The following FOXP1 variants were observed in gnomAD, a reference collection of about 807,000 sequenced individuals.
FOXP1 encodes forkhead box P1, also known as forkhead box protein P1.
A neutral mutation model predicts 98.2 loss-of-function variants in FOXP1; 15 were observed. The ratio of observed to expected loss-of-function variants is 0.15; its 90% CI spans 0.10 to 0.24. FOXP1 has a LOEUF of 0.24. Ranked by LOEUF, FOXP1 falls within the 10% of genes least tolerant of loss-of-function variation. The pLI is 1.00. For missense variants in FOXP1, 633 were observed against 848.5 expected (o/e 0.75, Z 3.15); for synonymous variants, 371 against 314.5 (o/e 1.18, Z -1.90).
At chr3:70,990,951 TCTCTGAA>T (rs2040506050) in intron 13 of FOXP1, among the ~76,000 whole-genome samples, 1 of 152,190 alleles carries the variant, frequency 6.6e-6, no homozygotes, top group African/African-American at 2.4e-5. Flanking sequence ...GGAATGATCA[TCTCTGAA>T]CTCTGAAGGG....
At chr3:71,400,037 C>T (rs1413223339) in intron 3 of FOXP1, among the ~76,000 whole-genome samples, 3 of 152,038 alleles carry the variant, frequency 2.0e-5, no homozygotes, top group Non-Finnish European at 4.4e-5. Flanking sequence ...ATAATTATGA[C>T]CATTATTTCC....
chr3:71,461,800 G>A (rs372349567), intron 3 of FOXP1, among the ~76,000 whole-genome samples: 2 of 149,342 alleles, frequency 1.3e-5, no homozygotes, highest in Admixed American at 6.7e-5. Context: ...ACTCTGTATC[G>A]AAGAAAAAAA....
chr3:71,051,679 TGAG>T (rs564087289), intron 9 of FOXP1, among the ~76,000 whole-genome samples: 117 of 152,256 alleles, frequency 7.7e-4, no homozygotes, highest in African/African-American at 2.6e-3. Context: ...TGTAAAAATA[TGAG>T]GAGGCAAGTT....
intron 20 of FOXP1, among the ~76,000 whole-genome samples, chr3:70,961,477 C>A (rs1030583728): frequency 6.6e-6 from 1 of 152,054 alleles, no homozygotes; most frequent in Non-Finnish European, 1.5e-5. Context: ...GTGATCCACC[C>A]GCCTTGGCCT....
chr3:71,445,236 A>G (rs2086308571), intron 3 of FOXP1, among the ~76,000 whole-genome samples: 2 of 152,214 alleles, frequency 1.3e-5, no homozygotes, highest in South Asian at 2.1e-4. Flanking sequence ...TGGCAAAAGC[A>G]GGAATTCAAA....
intron 3 of FOXP1, among the ~76,000 whole-genome samples, chr3:71,455,636 C>T (rs543382329): frequency 3.4e-4 from 52 of 152,202 alleles, no homozygotes; most frequent in Admixed American, 1.1e-3. Flanking sequence ...TTCTGGGTAC[C>T]TCTCCCACGT....
chr3:71,336,847 A>T (rs1577033211), intron 4 of FOXP1, among the ~76,000 whole-genome samples: 1 of 152,312 alleles, frequency 6.6e-6, no homozygotes, highest in East Asian at 1.9e-4. Flanking sequence ...GAGCCTCTGG[A>T]TCCAGCTTGC....
intron 6 of FOXP1, among the ~76,000 whole-genome samples, chr3:71,166,900 C>T (rs984141246): frequency 1.3e-5 from 2 of 152,002 alleles, no homozygotes; most frequent in African/African-American, 4.8e-5. Flanking sequence ...CCATCATGCT[C>T]CAGTGTTTTT....
intron 7 of FOXP1, 70 bp from the exon 8 acceptor site, chr3:71,053,843 C>T: frequency 1.3e-6 from 2 of 1,571,188 alleles, no homozygotes; most frequent in Non-Finnish European, 1.7e-6. Flanking sequence ...GGTTCAGCAG[C>T]TGACTGCCAT....
At chr3:71,053,009 T>C (rs2050120930) in intron 8 of FOXP1, among the ~76,000 whole-genome samples, 1 of 152,142 alleles carries the variant, frequency 6.6e-6, no homozygotes, top group Non-Finnish European at 1.5e-5. Flanking sequence ...ATGGACAGCC[T>C]GGGAGCTTCC....
At chr3:71,150,664 T>TAA (rs1022431778) in intron 6 of FOXP1, among the ~76,000 whole-genome samples, 1 of 151,854 alleles carries the variant, frequency 6.6e-6, no homozygotes, top group African/African-American at 2.4e-5. Flanking sequence ...TCCCCTTTGT[T>TAA]AAAAAAAAGC....
At chr3:71,475,860 T>C (rs542520160) in intron 3 of FOXP1, among the ~76,000 whole-genome samples, 1 of 118,560 alleles carries the variant, frequency 8.4e-6, no homozygotes. Flanking sequence ...AAAATAAAAA[T>C]AAAATATAAA....
chr3:71,406,977 T>C (rs1021077183), intron 3 of FOXP1, among the ~76,000 whole-genome samples: 1 of 152,204 alleles, frequency 6.6e-6, no homozygotes, highest in African/African-American at 2.4e-5. Context: ...GAAAGGATCT[T>C]GCATTTCTCC....
At chr3:71,195,353 T>C (rs867418049) in intron 6 of FOXP1, among the ~76,000 whole-genome samples, 4 of 152,292 alleles carry the variant, frequency 2.6e-5, no homozygotes, top group Middle Eastern at 6.8e-3. Context: ...GAAGCAAACA[T>C]GGAAAGGTTT....
At chr3:71,072,525 A>G (rs2053374623) in intron 7 of FOXP1, among the ~76,000 whole-genome samples, 1 of 152,242 alleles carries the variant, frequency 6.6e-6, no homozygotes, top group Non-Finnish European at 1.5e-5. Flanking sequence ...TGAAACATCA[A>G]CAACTTGTAG....
chr3:71,310,723 G>C (rs982905779), intron 4 of FOXP1, among the ~76,000 whole-genome samples: 1 of 152,192 alleles, frequency 6.6e-6, no homozygotes. Flanking sequence ...AGCAGCGATC[G>C]TCTGTAGGAC....
At chr3:71,008,345 C>T (rs977268451) in intron 12 of FOXP1, among the ~76,000 whole-genome samples, 7 of 152,048 alleles carry the variant, frequency 4.6e-5, no homozygotes, top group African/African-American at 1.7e-4. Flanking sequence ...AAGATTGTGT[C>T]TTTCACCTGG....
intron 5 of FOXP1, among the ~76,000 whole-genome samples, chr3:71,231,633 T>C (rs562309387): frequency 1.3e-5 from 2 of 152,356 alleles, no homozygotes; most frequent in South Asian, 4.1e-4. Context: ...GCACTGTTTA[T>C]CAGGCAACAT....
rs968697833 is a variant in FOXP1, at chr3:71,060,260, A to G, written c.283-6487T>C. On this transcript the variant is annotated intron_variant, in intron 7 of 20. Transcript: ENST00000649528. ...CAATCACTCTTTAGAAAGAATTACA[A>G]CTCAACTTTCTCAAATTGTAGTTTC... is the stretch of plus-strand genomic sequence containing the variant. Among the ~76,000 whole-genome samples the G allele has an allele frequency of 7.3e-4, 111 of 152,234 alleles. 2 individuals are homozygous for G. The highest frequency in any genetic ancestry group is 2.8e-4 in the Non-Finnish European group (19 of 67,970).
Sources: allele counts gnomAD v4.1 joint callset (sites outside exome capture counted in the v4.1 genomes callset), GRCh38; gene constraint gnomAD v4.1.1; transcripts MANE v1.5; gene names NCBI Gene and HGNC (gene_info 2026-07-23, HGNC 2026-07-21).